Variants in CPNE4 observed in about 807,000 individuals in gnomAD.
The protein encoded by CPNE4 is copine-4.
A neutral mutation model predicts 67.9 loss-of-function variants in CPNE4; 25 were observed. The observed-to-expected ratio is 0.37, with a 90% CI of 0.27 to 0.51. The LOEUF is 0.51. Ranked by LOEUF, CPNE4 falls within the 20% of genes least tolerant of loss-of-function variation. The pLI is 0.93. For synonymous variants in CPNE4, 242 were observed against 244.9 expected (o/e 0.99, Z 0.11); for missense variants, 464 against 690.8 (o/e 0.67, Z 3.68).
chr3:131,903,043 C>A (rs2088610776), intron 2 of CPNE4, among the ~76,000 whole-genome samples: 1 of 152,116 alleles, frequency 6.6e-6, no homozygotes. Flanking sequence ...TGCTATCAAG[C>A]CTTTCTTTCA....
intron 2 of CPNE4, among the ~76,000 whole-genome samples, chr3:131,773,897 C>T (rs1005932982): frequency 1.4e-4 from 21 of 152,238 alleles, no homozygotes; most frequent in South Asian, 1.2e-3. Context: ...TAAATGGTTA[C>T]TTAATACTGT....
intron 7 of CPNE4, among the ~76,000 whole-genome samples, chr3:131,660,023 G>T (rs1305439930): frequency 1.3e-5 from 2 of 152,108 alleles, no homozygotes; most frequent in East Asian, 3.9e-4. Flanking sequence ...TAAATTTACA[G>T]CTCTGTGGCA....
At chr3:131,856,572 C>T (rs1009085513) in intron 2 of CPNE4, among the ~76,000 whole-genome samples, 2 of 151,948 alleles carry the variant, frequency 1.3e-5, no homozygotes, top group Non-Finnish European at 2.9e-5. Flanking sequence ...CCAGTTTCTG[C>T]GCTAAGGTCC....
At chr3:131,569,363 G>A (rs1214043818) in intron 10 of CPNE4, among the ~76,000 whole-genome samples, 5 of 151,960 alleles carry the variant, frequency 3.3e-5, no homozygotes, top group African/African-American at 2.4e-5. Context: ...GACTGGGTGC[G>A]GTGGCTCACA....
chr3:131,954,663 C>G (rs1198505744), intron 1 of CPNE4, among the ~76,000 whole-genome samples: 1 of 152,142 alleles, frequency 6.6e-6, no homozygotes, highest in Non-Finnish European at 1.5e-5. Flanking sequence ...CATCCCATGA[C>G]AGGCCCAGTG....
intron 2 of CPNE4, among the ~76,000 whole-genome samples, chr3:131,796,952 G>C (rs2083933761): frequency 6.6e-6 from 1 of 152,186 alleles, no homozygotes; most frequent in Admixed American, 6.5e-5. Context: ...CCAGCAGACT[G>C]TTCTCTCTTT....
intron 2 of CPNE4, among the ~76,000 whole-genome samples, chr3:131,829,739 A>G (rs2085297814): frequency 6.6e-6 from 1 of 152,250 alleles, no homozygotes; most frequent in Non-Finnish European, 1.5e-5. Context: ...ACTCTTCACA[A>G]GAGGATGGGG....
intron 2 of CPNE4, among the ~76,000 whole-genome samples, chr3:131,725,924 C>T (rs1390032686): frequency 6.6e-6 from 1 of 152,198 alleles, no homozygotes. Context: ...TTTAATTTCT[C>T]TTCCTGGCCC....
At chr3:131,788,146 C>T (rs2083615547) in intron 2 of CPNE4, among the ~76,000 whole-genome samples, 1 of 151,824 alleles carries the variant, frequency 6.6e-6, no homozygotes, top group South Asian at 2.1e-4. Context: ...TCATAGTTTT[C>T]AGACATAATT....
chr3:131,755,106 T>A (rs757024189), intron 2 of CPNE4, among the ~76,000 whole-genome samples: 2 of 152,148 alleles, frequency 1.3e-5, no homozygotes, highest in Non-Finnish European at 2.9e-5. Context: ...GAGTAAAATT[T>A]AAATTATTTT....
chr3:131,676,029 C>CTAT (rs34007329), intron 6 of CPNE4, among the ~76,000 whole-genome samples: 17,851 of 138,230 alleles, frequency 0.13, 1,205 homozygotes, highest in Non-Finnish European at 0.15. Flanking sequence ...ATGTTATAAC[C>CTAT]TATTATTATT....
intron 1 of CPNE4, among the ~76,000 whole-genome samples, chr3:131,972,232 A>T (rs1016532130): frequency 6.6e-6 from 1 of 152,194 alleles, no homozygotes; most frequent in African/African-American, 2.4e-5. Context: ...GTTACACATC[A>T]ACACTCCCTT....
At chr3:131,726,373 G>A (rs59048394) in intron 2 of CPNE4, among the ~76,000 whole-genome samples, 2,127 of 152,260 alleles carry the variant, frequency 0.014, 58 homozygotes, top group African/African-American at 0.049. Context: ...TGACAAGATG[G>A]AAAGACATTA....
intron 6 of CPNE4, among the ~76,000 whole-genome samples, chr3:131,683,198 A>G (rs1477683382): frequency 1.3e-5 from 2 of 152,154 alleles, no homozygotes; most frequent in Non-Finnish European, 2.9e-5. Flanking sequence ...CCTTTGCTCA[A>G]GCAGAATATC....
chr3:131,913,324 A>T (rs1230295071), intron 1 of CPNE4, among the ~76,000 whole-genome samples: 1 of 152,230 alleles, frequency 6.6e-6, no homozygotes, highest in Non-Finnish European at 1.5e-5. Flanking sequence ...GAGCATGCAT[A>T]TTAAGAGCCA....
Position 131,826,124 on chromosome 3 carries a change from C to A in CPNE4, c.180+79140G>T, listed in dbSNP as rs976159273. On this transcript the variant is annotated intron_variant, in intron 2 of 15. Coordinates refer to ENST00000429747, the MANE Select transcript of CPNE4 (RefSeq NM_130808.3). ...GTTGAGCTCTTCAGAGCACCCCTCA[C>A]CCTGTAAATGTAGACACATAGATGT... is the stretch of plus-strand genomic sequence containing the variant. Among the ~76,000 whole-genome samples, 3 of 152,198 alleles carry A rather than the reference C, an allele frequency of 2.0e-5. No individual in the cohort carries two copies. In the South Asian group the frequency reaches 6.2e-4, roughly 32 times the overall value.
At chr3:131,637,289 AC>A (rs1371697792) in intron 7 of CPNE4, among the ~76,000 whole-genome samples, 1 of 152,242 alleles carries the variant, frequency 6.6e-6, no homozygotes. Flanking sequence ...GAAATAAAAA[AC>A]ATGATACAGG....
chr3:131,568,850 A>G (rs1392352557), intron 10 of CPNE4, among the ~76,000 whole-genome samples: 1 of 151,910 alleles, frequency 6.6e-6, no homozygotes, highest in Admixed American at 6.6e-5. Flanking sequence ...AACCTTCTCG[A>G]CGTTTTCTAA....
At chr3:131,991,517 G>A (rs1195173997) in intron 1 of CPNE4, among the ~76,000 whole-genome samples, 2 of 135,994 alleles carry the variant, frequency 1.5e-5, no homozygotes, top group African/African-American at 4.9e-5. Context: ...TTGAACTTGA[G>A]AGAAATGATT....
Sources: gnomAD v4.1 joint callset for allele counts (sites outside exome capture counted in the v4.1 genomes callset) on GRCh38, gnomAD v4.1.1 for gene constraint, MANE v1.5 for transcripts, NCBI Gene and HGNC (gene_info 2026-07-23, HGNC 2026-07-21) for gene names.